The following LAIR1 variants were observed in gnomAD, a reference collection of about 807,000 sequenced individuals.
LAIR1 encodes the protein leukocyte associated immunoglobulin like receptor 1.
A neutral mutation model predicts 32.8 loss-of-function variants in LAIR1; 24 were observed. That is an observed-to-expected ratio of 0.73 (90% CI 0.53 to 1.03). The LOEUF is 1.03. Among genes scored for constraint, LAIR1 ranks in the 50% least tolerant of loss-of-function variants. LAIR1 has a pLI of 0.00. For missense variants in LAIR1, 355 were observed against 347.5 expected (o/e 1.02, Z -0.17); for synonymous variants, 150 against 140.5 (o/e 1.07, Z -0.48).
intron 2 of LAIR1, among the ~76,000 whole-genome samples, chr19:54,363,624 G>T (rs2082125547): frequency 1.3e-5 from 2 of 152,188 alleles, no homozygotes; most frequent in South Asian, 4.1e-4. Flanking sequence ...CCCTAAAAAA[G>T]GAAGGACATT....
Position 54,351,850 on chromosome 19 carries a change from T to C in LAIR1, c.*3418A>G, listed in dbSNP as rs2081538024. 1 of 145,098 alleles carries C rather than the reference T, an allele frequency of 6.9e-6. No individual in the cohort carries two copies. The allele number at this position is 145,098 out of a possible 1,614,324, so 9.0% of individuals were successfully genotyped here. Reference sequence around the variant, plus strand: ...CTTCTTCATGAATTTATTTTCTATGTTCAGTTTTACACTAAAAGGTAAAAA... The same window carrying C: ...CTTCTTCATGAATTTATTTTCTATGCTCAGTTTTACACTAAAAGGTAAAAA... On this transcript the variant is annotated 3_prime_UTR_variant, in exon 10 of 10. Coordinates refer to ENST00000391742, the MANE Select transcript of LAIR1 (RefSeq NM_002287.6).
chr19:54,372,491 C>CTTTTT (rs35628063), upstream of LAIR1, among the ~76,000 whole-genome samples: 32 of 131,496 alleles, frequency 2.4e-4, no homozygotes, highest in Non-Finnish European at 3.0e-4. Context: ...TTCTTTCTTT[C>CTTTTT]TTTTTTTTTT....
At chr19:54,367,108 T>C (rs1414933902), upstream of LAIR1, among the ~76,000 whole-genome samples, 2 of 152,242 alleles carry the variant, frequency 1.3e-5, no homozygotes, top group East Asian at 3.9e-4. Flanking sequence ...ACACAAAAAT[T>C]AAAAATTTAA....
upstream of LAIR1, among the ~76,000 whole-genome samples, chr19:54,367,811 G>A (rs2082301585): frequency 6.9e-6 from 1 of 145,014 alleles, no homozygotes; most frequent in African/African-American, 2.6e-5. Context: ...TGTCGCCCAG[G>A]CCGGACTGCG....
At position 54,356,383 on chromosome 19, in the gene LAIR1, T is replaced by C. The variant is rs566238112; in HGVS notation, c.599A>G (p.Lys200Arg). 6.3e-7 allele frequency: 1 copy of C among 1,592,372 alleles called. No individual in the cohort carries two copies. The highest frequency in any genetic ancestry group is 1.1e-5 in the South Asian group (1 of 87,678). Residue 200 changes from lysine to arginine, a missense_variant, in exon 7 of 10, where the codon AAG (lysine) becomes AGG (arginine). Physicochemically the swap from Lys to Arg is conservative, Grantham distance 26. Coordinates refer to ENST00000391742, the MANE Select transcript of LAIR1 (RefSeq NM_002287.6). ...CTGCTGTGGCTTCTGCTCCTCGTCC[T>C]TGCTTCTGGGGGGCCCTAAGGACAG... is the stretch of plus-strand genomic sequence containing the variant. ...NQIKQGPPRSKDEEQKPQQRP... is the reference protein window; with the variant it reads ...NQIKQGPPRSRDEEQKPQQRP...
upstream of LAIR1, among the ~76,000 whole-genome samples, chr19:54,367,311 C>T (rs757558978): frequency 2.0e-5 from 3 of 152,108 alleles, no homozygotes; most frequent in Non-Finnish European, 4.4e-5. Flanking sequence ...CAAGCTAAAC[C>T]CTGGTCCTCA....
In LAIR1 at chr19:54,356,536, G is replaced by C. The variant is rs1327139729; in HGVS notation, c.538C>G (p.Leu180Val). Residue 180 changes from leucine (L) to valine (V), a missense_variant, in exon 6 of 10, where the codon CTC (leucine) becomes GTC (valine). Coordinates refer to ENST00000391742, the MANE Select transcript of LAIR1 (RefSeq NM_002287.6). Reference sequence around the variant, plus strand: ...CGATGGAGGCAGAAGAGGACCAGGAGGAGGAGACAGAAGAGGAAGACCACT... The same window carrying C: ...CGATGGAGGCAGAAGAGGACCAGGACGAGGAGACAGAAGAGGAAGACCACT... ...VSVVFLFCLL[L>V]LVLFCLHRQN... 6.2e-7 allele frequency: 1 copy of C among 1,613,946 alleles called. No individual in the cohort carries two copies. Among genetic ancestry groups the C allele is most frequent in the African/African-American group, 1.3e-5 (1 of 74,876 alleles).
At chr19:54,361,478 C>T (rs911583582) in intron 2 of LAIR1, among the ~76,000 whole-genome samples, 4 of 151,802 alleles carry the variant, frequency 2.6e-5, no homozygotes, top group East Asian at 1.9e-4. Context: ...TGGGAAGTGT[C>T]GGAGCAGCCT....
upstream of LAIR1, among the ~76,000 whole-genome samples, chr19:54,371,457 C>A (rs1010331152): frequency 2.9e-4 from 44 of 151,146 alleles, 2 homozygotes; most frequent in Non-Finnish European, 1.5e-4. Flanking sequence ...TGACCCCATA[C>A]CCAGCTAATT....
At position 54,355,290 on chromosome 19, in the gene LAIR1, T is replaced by C; in HGVS notation, c.842A>G (p.Tyr281Cys). 6.2e-7 allele frequency: 1 copy of C among 1,610,420 alleles called. No homozygotes were observed. The highest frequency in any genetic ancestry group is 8.5e-7 in the Non-Finnish European group (1 of 1,178,160). The change falls in exon 10 of 10, where the codon TAT becomes TGT. Residue 281 changes from tyrosine (Y) to cysteine (C), a missense_variant. Coordinates refer to ENST00000391742, the MANE Select transcript of LAIR1 (RefSeq NM_002287.6). This position sits in a 1 kb window ranked among gnomAD's most constrained non-coding sequence, Gnocchi z 4.7. ...GGGTCAGTGTCTGGCAACGGCTGCA[T>C]ACGTGATGGACTCGGCCATGGGCTT... ...STKPMAESIT[Y>C]AAVARH
rs375003465 is a variant in LAIR1, at chr19:54,364,407, T to C, written c.35-77A>G. ...GGGCTGCTGTCAAAAGGGGGCTCGA[T>C]GGAGCTGGGGGGCATTCAGCATTTC... On this transcript the variant is annotated intron_variant, in intron 1 of 9. Coordinates refer to ENST00000391742, the MANE Select transcript of LAIR1 (RefSeq NM_002287.6). The surrounding 1 kb of genome is among the most constrained non-coding windows in gnomAD (Gnocchi z 4.8). 1.5e-3 allele frequency: 2,368 copies of C among 1,584,280 alleles called. 45 individuals are homozygous for C. In the South Asian group the frequency reaches 0.024, roughly 16 times the overall value.
At position 54,355,995 on chromosome 19, in the gene LAIR1, CTGTGGCCT is replaced by C. The variant is rs1005092746; in HGVS notation, c.668_675del (p.Lys223SerfsTer6). On this transcript the variant is annotated frameshift_variant, in exon 9 of 10. Transcript: ENST00000391742. LOFTEE classifies it low-confidence loss of function (END_TRUNC). The surrounding 1 kb of genome is among the most constrained non-coding windows in gnomAD (Gnocchi z 4.7). ...CTGTCCTTCTCAGGAAGTCCATTGACTGTGGCCTTGTCTTGGGGAGAAAATACATGGTC... is the reference window on the plus strand; with the variant it reads ...CTGTCCTTCTCAGGAAGTCCATTGACTGTCTTGGGGAGAAAATACATGGTC... The C allele has an allele frequency of 3.1e-6, 5 of 1,610,592 alleles. No individual in the cohort carries two copies. Among genetic ancestry groups the C allele is most frequent in the Non-Finnish European group, 4.2e-6 (5 of 1,176,724 alleles).
chr19:54,360,788 G>T, intron 3 of LAIR1, 128 bp downstream of exon 3: 2 of 660,654 alleles, frequency 3.0e-6, no homozygotes, highest in Non-Finnish European at 2.4e-6. Context: ...AAGGGGAGGG[G>T]AGGGCTTGGG....
the LAIR1 span, among the ~76,000 whole-genome samples, chr19:54,375,940 G>T: frequency 6.6e-6 from 1 of 151,676 alleles, no homozygotes; most frequent in African/African-American, 2.4e-5. Context: ...ACTTCTCACT[G>T]GGTGACACGT....
upstream of LAIR1, chr19:54,365,119 G>A (rs2082211529): frequency 2.6e-6 from 3 of 1,168,328 alleles, no homozygotes; most frequent in Non-Finnish European, 3.2e-6. Flanking sequence ...CAGAATAAAG[G>A]TCGGGCAACC....
chr19:54,357,107 G>T, intron 4 of LAIR1, 141 bp from the exon 5 acceptor site: 1 of 670,620 alleles, frequency 1.5e-6, no homozygotes, highest in Non-Finnish European at 2.6e-6. Context: ...GCACCGACCA[G>T]CAGAGTCTTC....
rs2082156481 is a variant in LAIR1, at chr19:54,364,282, A to G, written c.70+13T>C. 1 of 1,611,686 alleles carries G rather than the reference A, an allele frequency of 6.2e-7. No individual in the cohort carries two copies. Among genetic ancestry groups the G allele is most frequent in the Non-Finnish European group, 8.5e-7 (1 of 1,178,048 alleles). ...AGAGGGGACTGGGAAGATGGGACGAAGGCATGACTTACCCTCCTGCGTGTG... is the reference window on the plus strand; with the variant it reads ...AGAGGGGACTGGGAAGATGGGACGAGGGCATGACTTACCCTCCTGCGTGTG... On this transcript the variant is annotated intron_variant, in intron 2 of 9. Coordinates refer to ENST00000391742, the MANE Select transcript of LAIR1 (RefSeq NM_002287.6). This position sits in a 1 kb window ranked among gnomAD's most constrained non-coding sequence, Gnocchi z 4.8.
At chr19:54,369,775 A>G (rs144259357), upstream of LAIR1, among the ~76,000 whole-genome samples, 7 of 151,784 alleles carry the variant, frequency 4.6e-5, no homozygotes, top group South Asian at 4.2e-4. Context: ...CTACAGAAAT[A>G]AAATGACACA....
In LAIR1 at chr19:54,364,166, A is replaced by G; in HGVS notation, c.70+129T>C. 3 of 1,102,802 alleles carry G rather than the reference A, an allele frequency of 2.7e-6. No homozygotes were observed. In the South Asian group the frequency reaches 4.1e-5, roughly 15 times the overall value. The allele number at this position is 1,102,802 out of a possible 1,614,324, so 68.3% of individuals were successfully genotyped here. On this transcript the variant is annotated intron_variant, in intron 2 of 9. Transcript: ENST00000391742. The surrounding 1 kb of genome is among the most constrained non-coding windows in gnomAD (Gnocchi z 4.8). ...GTTGGTTATGCATTTTACATTTGGAAGAGTTTGCAATCTAGGGTATATTTA... is the reference window on the plus strand; with the variant it reads ...GTTGGTTATGCATTTTACATTTGGAGGAGTTTGCAATCTAGGGTATATTTA...
Sources: allele counts gnomAD v4.1 joint callset (sites outside exome capture counted in the v4.1 genomes callset), GRCh38; gene constraint gnomAD v4.1.1; non-coding constraint Gnocchi (gnomAD v3.1); transcripts MANE v1.5; gene names NCBI Gene and HGNC (gene_info 2026-07-23, HGNC 2026-07-21).